TP63: variants seen among roughly 807,000 people sequenced by gnomAD.
The protein encoded by TP63 is tumor protein p63.
In TP63, 17 loss-of-function variants were observed where a neutral mutation model predicts 82.8. That is an observed-to-expected ratio of 0.21 (90% CI 0.14 to 0.31). TP63 has a LOEUF of 0.31. TP63 is among the 10% of genes least tolerant of loss of function. The pLI is 1.00. For missense variants in TP63, 648 were observed against 895.3 expected (o/e 0.72, Z 3.52); for synonymous variants, 330 against 321.7 (o/e 1.03, Z -0.28).
intron 1 of TP63, among the ~76,000 whole-genome samples, chr3:189,677,331 T>TTTATATATATGAATATATATAAATAA (rs1715499233): frequency 7.1e-6 from 1 of 140,130 alleles, no homozygotes. Context: ...CACACACATA[T>TTTATATATATGAATATATATAAATAA]TTATATATAT....
At chr3:189,724,117 A>G (rs1719599231) in intron 1 of TP63, among the ~76,000 whole-genome samples, 2 of 150,846 alleles carry the variant, frequency 1.3e-5, no homozygotes, top group African/African-American at 2.4e-5. Context: ...TATCCAACCT[A>G]TATTTTTATA....
At chr3:189,693,772 T>C (rs1208442565) in intron 1 of TP63, among the ~76,000 whole-genome samples, 1 of 152,168 alleles carries the variant, frequency 6.6e-6, no homozygotes, top group Non-Finnish European at 1.5e-5. Flanking sequence ...TCATTAGATG[T>C]GCATTTGGAG....
chr3:189,812,620 T>C (rs543776355), intron 4 of TP63, among the ~76,000 whole-genome samples: 2 of 152,316 alleles, frequency 1.3e-5, no homozygotes, highest in African/African-American at 4.8e-5. Flanking sequence ...TCAATCTCTC[T>C]AAACCTCACT....
the TP63 span, among the ~76,000 whole-genome samples, chr3:189,624,573 G>A: frequency 6.6e-6 from 1 of 152,088 alleles, no homozygotes; most frequent in Admixed American, 6.6e-5. Context: ...GCTGTTTGCA[G>A]CACTACCCCA....
At chr3:189,638,703 C>G (rs559165517) in intron 1 of TP63, among the ~76,000 whole-genome samples, 48 of 152,224 alleles carry the variant, frequency 3.2e-4, no homozygotes, top group African/African-American at 9.6e-4. Context: ...GGGTGGTTAT[C>G]AGACCACACT....
chr3:189,880,637 A>C, intron 10 of TP63: 1 of 985,692 alleles, frequency 1.0e-6, no homozygotes, highest in Non-Finnish European at 1.2e-6. Context: ...GTGCATAAGT[A>C]AGTTGTAGGT....
intron 3 of TP63, among the ~76,000 whole-genome samples, chr3:189,770,205 C>T (rs980550021): frequency 2.6e-5 from 4 of 152,152 alleles, no homozygotes; most frequent in Non-Finnish European, 5.9e-5. Context: ...CAGACACAAT[C>T]CTTATCATTG....
Position 189,886,490 on chromosome 3 carries a change from C to G in TP63, c.1446C>G (p.Ile482Met), listed in dbSNP as rs1720458929. ...AGCTGCCTTCTGTGAGCCAGCTTAT[C>G]AACCCTCAGCAGCGCAACGCCCTCA... ...MNKLPSVSQL[I>M]NPQQRNALTP... The change falls in exon 11 of 14, where the codon ATC becomes ATG. Residue 482 changes from isoleucine (I) to methionine (M), a missense_variant. Physicochemically the swap from Ile to Met is conservative, Grantham distance 10 (BLOSUM62 1). Coordinates refer to ENST00000264731, the MANE Select transcript of TP63 (RefSeq NM_003722.5). 3 of 1,614,020 alleles carry G rather than the reference C, an allele frequency of 1.9e-6. No homozygotes were observed. The highest frequency in any genetic ancestry group is 2.5e-6 in the Non-Finnish European group (3 of 1,180,024).
intron 1 of TP63, among the ~76,000 whole-genome samples, chr3:189,697,722 A>G (rs1717498608): frequency 6.6e-6 from 1 of 151,930 alleles, no homozygotes; most frequent in Non-Finnish European, 1.5e-5. Context: ...TCTTGCTTGA[A>G]TTTTTGTCAG....
intron 4 of TP63, among the ~76,000 whole-genome samples, chr3:189,848,380 GC>G (rs1486842884): frequency 2.2e-5 from 3 of 137,590 alleles, no homozygotes; most frequent in Non-Finnish European, 4.8e-5. Flanking sequence ...CCCATACCTG[GC>G]TTTTTTTTTT....
chr3:189,617,405 C>CA, the TP63 span, among the ~76,000 whole-genome samples: 5 of 152,246 alleles, frequency 3.3e-5, no homozygotes, highest in East Asian at 7.7e-4. Context: ...TGAGAATAAA[C>CA]AAAAATATAT....
intron 3 of TP63, among the ~76,000 whole-genome samples, chr3:189,762,392 A>G (rs1482913108): frequency 6.6e-6 from 1 of 152,140 alleles, no homozygotes. Flanking sequence ...CAGGTCCCTT[A>G]GATAGCTTTT....
intron 3 of TP63, among the ~76,000 whole-genome samples, chr3:189,739,197 C>T (rs1428553988): frequency 6.6e-6 from 1 of 152,182 alleles, no homozygotes; most frequent in Non-Finnish European, 1.5e-5. Context: ...CTCATTGCAA[C>T]CTCTGCTTCC....
intron 1 of TP63, among the ~76,000 whole-genome samples, chr3:189,666,556 A>G (rs1714406564): frequency 6.6e-6 from 1 of 152,112 alleles, no homozygotes; most frequent in Non-Finnish European, 1.5e-5. Context: ...ATTCTAGCAA[A>G]AGGAGAGAAA....
intron 3 of TP63, among the ~76,000 whole-genome samples, chr3:189,793,180 T>TAGATCAC (rs990492759): frequency 1.8e-4 from 27 of 152,140 alleles, no homozygotes; most frequent in African/African-American, 6.3e-4. Context: ...AAAGACATCT[T>TAGATCAC]AGATCACAGA....
At chr3:189,734,054 CTTTCTT>C (rs1336482501) in intron 1 of TP63, among the ~76,000 whole-genome samples, 4 of 151,466 alleles carry the variant, frequency 2.6e-5, no homozygotes, top group South Asian at 2.1e-4. Context: ...TTCTTTCTCT[CTTTCTT>C]TTTCTTTCTT....
intron 4 of TP63, among the ~76,000 whole-genome samples, chr3:189,820,887 T>A (rs1189144776): frequency 1.3e-5 from 2 of 152,228 alleles, no homozygotes; most frequent in African/African-American, 2.4e-5. Context: ...GTTTTCTTTT[T>A]AGGAGAGTTG....
intron 1 of TP63, among the ~76,000 whole-genome samples, chr3:189,720,638 G>T (rs1719309028): frequency 6.6e-6 from 1 of 151,100 alleles, no homozygotes; most frequent in African/African-American, 2.4e-5. Flanking sequence ...GGAGGCTGAG[G>T]CAGGATAATC....
At chr3:189,764,118 G>T (rs958218332) in intron 3 of TP63, among the ~76,000 whole-genome samples, 1 of 152,236 alleles carries the variant, frequency 6.6e-6, no homozygotes, top group African/African-American at 2.4e-5. Flanking sequence ...AAAGAGGTGG[G>T]TGTCTTGGGA....
Sources: allele counts gnomAD v4.1 joint callset (sites outside exome capture counted in the v4.1 genomes callset), GRCh38; gene constraint gnomAD v4.1.1; transcripts MANE v1.5; gene names NCBI Gene and HGNC (gene_info 2026-07-23, HGNC 2026-07-21).